MUSK: variants seen among roughly 807,000 people sequenced by gnomAD.
MUSK encodes the protein muscle, skeletal receptor tyrosine-protein kinase.
MUSK carries 55 observed loss-of-function variants against 88.7 expected under a neutral mutation model. The observed-to-expected ratio is 0.62, with a 90% confidence interval of 0.50 to 0.78. The LOEUF is 0.78. Among genes scored for constraint, MUSK ranks in the 30% least tolerant of loss-of-function variants. MUSK has a pLI of 0.00. For missense variants in MUSK, 1,015 were observed against 1,074.3 expected (o/e 0.94, Z 0.77); for synonymous variants, 387 against 391.9 (o/e 0.99, Z 0.15).
chr9:110,676,673 G>C (rs762974975), intron 1 of MUSK, among the ~76,000 whole-genome samples: 37 of 151,934 alleles, frequency 2.4e-4, no homozygotes, highest in South Asian at 1.2e-3. Context: ...TCCTGCATTA[G>C]TTTGCTGAAG....
At chr9:110,756,067 C>T (rs1046162005) in intron 7 of MUSK, among the ~76,000 whole-genome samples, 3 of 149,870 alleles carry the variant, frequency 2.0e-5, no homozygotes, top group Admixed American at 1.3e-4. Flanking sequence ...GATGAGCAAA[C>T]TAATGCTCAG....
Position 110,729,530 on chromosome 9 carries a change from T to C in MUSK, c.629-4721T>C, listed in dbSNP as rs560339006. Among the ~76,000 whole-genome samples the C allele has an allele frequency of 3.4e-3, 514 of 152,012 alleles. 4 individuals are homozygous for C. Among genetic ancestry groups the C allele is most frequent in the African/African-American group, 0.011 (466 of 41,510 alleles). ...TACCTCCTTATCTTAGTATCTCATA[T>C]AAAGTACAGATAATGTTTTCTTATT... is the stretch of plus-strand genomic sequence containing the variant. On this transcript the variant is annotated intron_variant, in intron 5 of 14. Coordinates refer to ENST00000374448, the MANE Select transcript of MUSK (RefSeq NM_005592.4).
At chr9:110,773,325 A>C (rs140798683) in intron 9 of MUSK, among the ~76,000 whole-genome samples, 75 of 152,258 alleles carry the variant, frequency 4.9e-4, no homozygotes, top group African/African-American at 1.7e-3. Context: ...TTAAGTTAGC[A>C]TAATTGTACT....
intron 14 of MUSK, among the ~76,000 whole-genome samples, chr9:110,797,292 CAAAAA>C (rs111652297): frequency 1.4e-5 from 2 of 146,246 alleles, no homozygotes; most frequent in Admixed American, 6.8e-5. Context: ...AACAAACAAA[CAAAAA>C]AAAAGTTTCA....
intron 6 of MUSK, among the ~76,000 whole-genome samples, chr9:110,739,591 A>G (rs115060999): frequency 6.6e-6 from 1 of 152,160 alleles, no homozygotes; most frequent in African/African-American, 2.4e-5. Context: ...TTCTTATTAC[A>G]CAGGATATTC....
chr9:110,753,136 A>G (rs2077268203), intron 7 of MUSK, among the ~76,000 whole-genome samples: 1 of 152,292 alleles, frequency 6.6e-6, no homozygotes, highest in Admixed American at 6.5e-5. Context: ...GGGATTCAGA[A>G]GAGAAAAATA....
intron 6 of MUSK, among the ~76,000 whole-genome samples, chr9:110,742,153 T>A (rs1310290702): frequency 2.0e-5 from 3 of 152,038 alleles, no homozygotes; most frequent in African/African-American, 7.2e-5. Context: ...TATAAAGACA[T>A]CCTAAGAAAA....
intron 3 of MUSK, among the ~76,000 whole-genome samples, chr9:110,691,517 A>G (rs1458066958): frequency 1.3e-5 from 2 of 151,944 alleles, no homozygotes; most frequent in African/African-American, 4.8e-5. Flanking sequence ...ATTTCCTTCC[A>G]TACTTAGTTC....
intron 11 of MUSK, among the ~76,000 whole-genome samples, chr9:110,782,864 G>A (rs951521294): frequency 1.3e-5 from 2 of 152,154 alleles, no homozygotes; most frequent in East Asian, 1.9e-4. Flanking sequence ...CTGATCTTGC[G>A]CAGATGTTTT....
intron 5 of MUSK, among the ~76,000 whole-genome samples, chr9:110,705,837 T>C (rs1361611415): frequency 1.3e-5 from 2 of 152,200 alleles, no homozygotes; most frequent in Non-Finnish European, 2.9e-5. Flanking sequence ...CAGGCCCCCA[T>C]GTGCCAAAGG....
rs2076685783 is a variant in MUSK, at chr9:110,712,561, T to C, written c.628+15095T>C. Among the ~76,000 whole-genome samples, 4 of 152,286 alleles carry C rather than the reference T, an allele frequency of 2.6e-5. No homozygotes were observed. The South Asian group carries it at 8.3e-4, about 32-fold the overall frequency. ...ACAGCTTCAGGATGCATTCCCCAGTTATTCATATTTGATAGGTTTATGTTA... is the reference window on the plus strand; with the variant it reads ...ACAGCTTCAGGATGCATTCCCCAGTCATTCATATTTGATAGGTTTATGTTA... On this transcript the variant is annotated intron_variant, in intron 5 of 14. Coordinates refer to ENST00000374448, the MANE Select transcript of MUSK (RefSeq NM_005592.4).
chr9:110,683,159 C>G (rs772422329), intron 2 of MUSK, among the ~76,000 whole-genome samples: 1 of 152,000 alleles, frequency 6.6e-6, no homozygotes, highest in Non-Finnish European at 1.5e-5. Context: ...GGTAACCATC[C>G]TTTTACGCTC....
At chr9:110,733,274 A>G (rs1325025853) in intron 5 of MUSK, among the ~76,000 whole-genome samples, 1 of 152,110 alleles carries the variant, frequency 6.6e-6, no homozygotes, top group Non-Finnish European at 1.5e-5. Flanking sequence ...TTTCTCACTC[A>G]TCATTCTTGT....
chr9:110,723,049 G>T (rs1209688397), intron 5 of MUSK, among the ~76,000 whole-genome samples: 1 of 152,034 alleles, frequency 6.6e-6, no homozygotes, highest in Admixed American at 6.6e-5. Context: ...CAGAGGAAAA[G>T]AAGTGATTAT....
At chr9:110,714,758 G>A (rs2076723934) in intron 5 of MUSK, among the ~76,000 whole-genome samples, 1 of 152,074 alleles carries the variant, frequency 6.6e-6, no homozygotes, top group Non-Finnish European at 1.5e-5. Context: ...AACCACCCAG[G>A]GCCACGTGTT....
At chr9:110,788,917 T>C (rs770194333) in intron 14 of MUSK, among the ~76,000 whole-genome samples, 1 of 152,138 alleles carries the variant, frequency 6.6e-6, no homozygotes, top group Non-Finnish European at 1.5e-5. Context: ...GCAAAGGTAC[T>C]GTGGCAAGAG....
chr9:110,706,039 C>T (rs776298349), intron 5 of MUSK: 3 of 497,888 alleles, frequency 6.0e-6, no homozygotes, highest in African/African-American at 5.9e-5. Context: ...CTTTGTTGCA[C>T]ATTTTAATAT....
chr9:110,797,119 A>AAAAT (rs2078008819), intron 14 of MUSK, among the ~76,000 whole-genome samples: 1 of 51,270 alleles, frequency 2.0e-5, no homozygotes. Flanking sequence ...AGTATAACAA[A>AAAAT]AAAATAAAAA....
intron 8 of MUSK, among the ~76,000 whole-genome samples, chr9:110,766,846 T>C (rs1440327727): frequency 1.3e-5 from 2 of 152,332 alleles, no homozygotes; most frequent in African/African-American, 4.8e-5. Flanking sequence ...CATAAGAATA[T>C]ACTGAGACCA....
Sources: allele counts gnomAD v4.1 joint callset (sites outside exome capture counted in the v4.1 genomes callset), GRCh38; gene constraint gnomAD v4.1.1; transcripts MANE v1.5; gene names NCBI Gene and HGNC (gene_info 2026-07-23, HGNC 2026-07-21).